Variants in NBEAL1 observed in about 807,000 individuals in gnomAD.
NBEAL1 encodes neurobeachin like 1, also known as neurobeachin-like protein 1.
NBEAL1 carries 273 observed loss-of-function variants against 351.3 expected under a neutral mutation model. That is an observed-to-expected ratio of 0.78 (90% CI 0.70 to 0.86). NBEAL1 has a LOEUF of 0.86. Among genes scored for constraint, NBEAL1 ranks in the 40% least tolerant of loss-of-function variants. The pLI is 0.00. For synonymous variants in NBEAL1, 1,050 were observed against 1,086.4 expected, an observed-to-expected ratio of 0.97 and a Z score of 0.66; for missense variants, 2,961 against 3,201.3, an observed-to-expected ratio of 0.92 and a Z score of 1.81.
In NBEAL1 at chr2:203,084,543, C is replaced by G. The variant is rs1352336417; in HGVS notation, c.1072C>G (p.Leu358Val). Residue 358 changes from leucine to valine, a missense_variant, in exon 10 of 56, where the codon CTC (leucine) becomes GTC (valine). Transcript: ENST00000683969. ...IFLNSNCFEH[L>V]IRLLQNCKLF... Reference sequence around the variant, plus strand: ...TCTTAACAGCAATTGCTTTGAACATCTCATACGACTGCTACAGAACTGCAA... The same window carrying G: ...TCTTAACAGCAATTGCTTTGAACATGTCATACGACTGCTACAGAACTGCAA... 3.3e-6 allele frequency: 5 copies of G among 1,535,670 alleles called. No individual in the cohort carries two copies. The African/African-American group carries it at 6.9e-5, about 21-fold the overall frequency.
chr2:203,022,461 T>C (rs2060788068), intron 2 of NBEAL1, among the ~76,000 whole-genome samples: 1 of 152,198 alleles, frequency 6.6e-6, no homozygotes, highest in Admixed American at 6.5e-5. Flanking sequence ...AGAGGTGATA[T>C]TTAGTCCCAA....
At chr2:203,077,268 G>C (rs2061792138) in intron 7 of NBEAL1, among the ~76,000 whole-genome samples, 1 of 151,990 alleles carries the variant, frequency 6.6e-6, no homozygotes, top group Admixed American at 6.6e-5. Flanking sequence ...TACTCCGGAG[G>C]CTGAGGCAGG....
chr2:203,138,105 G>C, intron 29 of NBEAL1, 57 bp from the exon 30 acceptor site: 1 of 1,551,298 alleles, frequency 6.4e-7, no homozygotes, highest in South Asian at 1.2e-5. Context: ...TGTTTTTAAT[G>C]TCCTACTGTT....
intron 2 of NBEAL1, among the ~76,000 whole-genome samples, chr2:203,039,692 T>C (rs1457598705): frequency 6.6e-6 from 1 of 152,220 alleles, no homozygotes; most frequent in African/African-American, 2.4e-5. Flanking sequence ...CTGTGCCTGG[T>C]GTATTTTCTT....
At chr2:203,070,286 T>A (rs991657590) in intron 7 of NBEAL1, among the ~76,000 whole-genome samples, 1 of 151,636 alleles carries the variant, frequency 6.6e-6, no homozygotes. Flanking sequence ...TAAACTAACA[T>A]CATATTTCTG....
intron 15 of NBEAL1, 43 bp from the exon 16 acceptor site, chr2:203,111,936 A>T (rs779702086): frequency 2.6e-6 from 4 of 1,530,274 alleles, no homozygotes; most frequent in Middle Eastern, 3.4e-4. Flanking sequence ...TTCCAAAGAC[A>T]TAATGTAATT....
chr2:203,093,699 C>T (rs970518982), intron 10 of NBEAL1, among the ~76,000 whole-genome samples: 3 of 151,982 alleles, frequency 2.0e-5, no homozygotes, highest in Non-Finnish European at 4.4e-5. Flanking sequence ...ACTAAAAATA[C>T]AAAAATTAGC....
At chr2:203,152,678 T>G (rs1365975301) in intron 35 of NBEAL1, among the ~76,000 whole-genome samples, 2 of 152,108 alleles carry the variant, frequency 1.3e-5, no homozygotes, top group Non-Finnish European at 2.9e-5. Flanking sequence ...CCTTTATAAC[T>G]GTCTCACTTG....
At chr2:203,064,905 T>G (rs995861851) in intron 6 of NBEAL1, among the ~76,000 whole-genome samples, 9 of 152,196 alleles carry the variant, frequency 5.9e-5, no homozygotes, top group Non-Finnish European at 1.0e-4. Context: ...ACTATATCCC[T>G]ATTAGTAAAT....
intron 7 of NBEAL1, among the ~76,000 whole-genome samples, chr2:203,071,838 C>T (rs776280135): frequency 2.0e-5 from 3 of 152,230 alleles, no homozygotes; most frequent in Non-Finnish European, 2.9e-5. Flanking sequence ...TGACAGGTCT[C>T]AGGTAAGCCT....
intron 44 of NBEAL1, among the ~76,000 whole-genome samples, chr2:203,187,721 C>T (rs998104882): frequency 6.7e-5 from 10 of 150,070 alleles, no homozygotes; most frequent in East Asian, 4.0e-4. Context: ...CCAACCTCAG[C>T]GACAGAGCGA....
At chr2:203,125,694 C>T (rs550233708) in intron 20 of NBEAL1, among the ~76,000 whole-genome samples, 174 bp downstream of exon 20, 23 of 152,266 alleles carry the variant, frequency 1.5e-4, no homozygotes, top group East Asian at 1.2e-3. Flanking sequence ...CATCAAAAAA[C>T]GACAGATTAA....
At chr2:203,208,376 A>G (rs938814342) in intron 51 of NBEAL1, among the ~76,000 whole-genome samples, 5 of 152,262 alleles carry the variant, frequency 3.3e-5, no homozygotes, top group African/African-American at 9.6e-5. Flanking sequence ...GGGAAATAAC[A>G]TACTTGGAAA....
chr2:203,070,818 GC>G (rs2061670221), intron 7 of NBEAL1, among the ~76,000 whole-genome samples: 1 of 152,076 alleles, frequency 6.6e-6, no homozygotes, highest in Admixed American at 6.5e-5. Context: ...TGAAGGATCC[GC>G]CCCTATGATC....
chr2:203,174,320 T>C (rs2064425606), intron 41 of NBEAL1, among the ~76,000 whole-genome samples: 1 of 151,350 alleles, frequency 6.6e-6, no homozygotes. Flanking sequence ...ATTATGTACC[T>C]GTTAAAAATA....
intron 18 of NBEAL1, among the ~76,000 whole-genome samples, chr2:203,120,109 A>G (rs2062796366): frequency 6.6e-6 from 1 of 152,232 alleles, no homozygotes; most frequent in Non-Finnish European, 1.5e-5. Flanking sequence ...TAAGTTCAAC[A>G]TAACTTTATG....
chr2:203,073,712 T>C (rs1276387109), intron 7 of NBEAL1, among the ~76,000 whole-genome samples: 1 of 152,184 alleles, frequency 6.6e-6, no homozygotes, highest in Admixed American at 6.5e-5. Context: ...TTTTCCTCTA[T>C]TGTTTATTCG....
chr2:203,117,381 C>T (rs574727942), intron 18 of NBEAL1, among the ~76,000 whole-genome samples: 11 of 152,074 alleles, frequency 7.2e-5, no homozygotes, highest in African/African-American at 9.6e-5. Flanking sequence ...GAGAATGGCA[C>T]GAACTGGGGA....
chr2:203,199,625 C>G (rs957051891), intron 49 of NBEAL1, among the ~76,000 whole-genome samples, 178 bp downstream of exon 49: 1 of 151,450 alleles, frequency 6.6e-6, no homozygotes, highest in Non-Finnish European at 1.5e-5. Flanking sequence ...CTCTGCCTCC[C>G]GAGCTCAAGG....
Sources: gnomAD v4.1 joint callset for allele counts (sites outside exome capture counted in the v4.1 genomes callset) on GRCh38, gnomAD v4.1.1 for gene constraint, MANE v1.5 for transcripts, NCBI Gene and HGNC (gene_info 2026-07-23, HGNC 2026-07-21) for gene names.